Variants in ARSF observed in about 807,000 individuals in gnomAD.
The protein encoded by ARSF is arylsulfatase F.
Under a neutral mutation model 35.4 loss-of-function variants are expected in ARSF, and 33 were observed. That is an observed-to-expected ratio of 0.93 (90% CI 0.71 to 1.25). The LOEUF (loss-of-function observed/expected upper bound fraction) is 1.25, where lower values mean the gene tolerates loss of function less well. Ranked by LOEUF, ARSF falls within the 50% of genes most tolerant of loss-of-function variation. ARSF has a pLI of 0.00. For synonymous variants in ARSF, 222 were observed against 193.1 expected, an observed-to-expected ratio of 1.15 and a Z score of -1.24; for missense variants, 501 against 480.2, an observed-to-expected ratio of 1.04 and a Z score of -0.40.
chrX:3,109,988 A>C, intron 9 of ARSF, 140 bp from the exon 10 acceptor site: 1 of 485,130 alleles, frequency 2.1e-6, no homozygotes. Context: ...GAGAGCATGC[A>C]TGAGTTTTCC....
At chrX:3,074,080 T>A (rs1370660834) in intron 3 of ARSF, among the ~76,000 whole-genome samples, 1 of 110,506 alleles carries the variant, frequency 9.0e-6, no homozygotes, top group Non-Finnish European at 1.9e-5. Context: ...ACAACGGAGC[T>A]AGGAGTCATG....
chrX:3,110,891 C>G (rs980430101), intron 10 of ARSF, among the ~76,000 whole-genome samples: 1 of 111,935 alleles, frequency 8.9e-6, no homozygotes, highest in African/African-American at 3.2e-5. Context: ...GAGTGAGACT[C>G]CATCTCAAAC....
chrX:3,101,856 GAT>G (rs1469426360), intron 8 of ARSF, among the ~76,000 whole-genome samples: 1 of 112,129 alleles, frequency 8.9e-6, no homozygotes, highest in Non-Finnish European at 1.9e-5. Flanking sequence ...AAAGAAAAAA[GAT>G]AATTATCTGG....
At chrX:3,055,524 A>G (rs1349999551) in intron 1 of ARSF, among the ~76,000 whole-genome samples, 1 of 110,422 alleles carries the variant, frequency 9.1e-6, no homozygotes, top group Non-Finnish European at 1.9e-5. Flanking sequence ...CCAAGTTAAC[A>G]CAGAAATACG....
intron 1 of ARSF, among the ~76,000 whole-genome samples, chrX:3,041,919 A>G (rs1351722388): frequency 8.9e-6 from 1 of 112,331 alleles, no homozygotes; most frequent in African/African-American, 3.2e-5. Flanking sequence ...TGGCTTTAAA[A>G]TTATTGGTAC....
At chrX:3,050,925 C>G (rs2089994870) in intron 1 of ARSF, among the ~76,000 whole-genome samples, 1 of 111,512 alleles carries the variant, frequency 9.0e-6, no homozygotes, top group Admixed American at 9.6e-5. Flanking sequence ...CTCCTGAGAT[C>G]GTATTGGGAA....
At chrX:3,073,012 A>C (rs1245575436) in intron 3 of ARSF, among the ~76,000 whole-genome samples, 3 of 100,754 alleles carry the variant, frequency 3.0e-5, no homozygotes, top group Non-Finnish European at 5.9e-5. Context: ...ATATATATTC[A>C]CTTTTATATA....
At position 3,081,431 on chromosome X, in the gene ARSF, G is replaced by T. The variant is rs759003896; in HGVS notation, c.406+418G>T. On this transcript the variant is annotated intron_variant, in intron 5 of 10. Transcript: ENST00000381127. ...GGCTCACTGCAACCTCCATCTCCTG[G>T]GTTCAAGGGATTCTTGTGCCTCAGC... 4.2e-3 allele frequency among the ~76,000 whole-genome samples: 470 copies of T among 111,361 alleles called. 1 individual carries two copies. The highest frequency in any genetic ancestry group is 6.9e-3 in the Non-Finnish European group (366 of 53,031).
intron 1 of ARSF, among the ~76,000 whole-genome samples, chrX:3,045,613 T>C (rs1476472607): frequency 2.8e-5 from 3 of 105,867 alleles, no homozygotes; most frequent in African/African-American, 1.0e-4. Context: ...TGGAGTGCAA[T>C]GGCGCCATCT....
At position 3,076,640 on chromosome X, in the gene ARSF, T is replaced by A; in HGVS notation, c.254T>A (p.Phe85Tyr). 5.8e-6 allele frequency: 7 copies of A among 1,211,676 alleles called. No homozygotes were observed. The highest frequency in any genetic ancestry group is 6.7e-6 in the Non-Finnish European group (6 of 895,487). ...ASLCSPSRSA[F>Y]LTGRYPIRSG... Reference sequence around the variant, plus strand: ...CTCTGCAGCCCAAGCCGGTCCGCGTTCTTGACGGGAAGATACCCCATCCGA... The same window carrying A: ...CTCTGCAGCCCAAGCCGGTCCGCGTACTTGACGGGAAGATACCCCATCCGA... The change falls in exon 4 of 11, where the codon TTC (phenylalanine) becomes TAC (tyrosine). Residue 85 changes from phenylalanine (F) to tyrosine (Y), a missense_variant. Transcript: ENST00000381127.
chrX:3,111,348 A>G (rs1393877797), intron 10 of ARSF, among the ~76,000 whole-genome samples: 2 of 111,713 alleles, frequency 1.8e-5, no homozygotes, highest in African/African-American at 6.5e-5. Context: ...AAAGTGGCAC[A>G]CATATAATAA....
chrX:3,064,474 C>T, intron 1 of ARSF, among the ~76,000 whole-genome samples: 1 of 111,665 alleles, frequency 9.0e-6, no homozygotes, highest in Non-Finnish European at 1.9e-5. Flanking sequence ...AACTAAAGAG[C>T]TTCTGCACAG....
intron 5 of ARSF, among the ~76,000 whole-genome samples, chrX:3,081,358 G>C (rs2090200510): frequency 8.9e-6 from 1 of 111,834 alleles, no homozygotes; most frequent in African/African-American, 3.3e-5. Context: ...TTTTAAAACA[G>C]AGGAGTCTCA....
intron 1 of ARSF, among the ~76,000 whole-genome samples, chrX:3,044,686 T>C (rs1356639901): frequency 1.8e-5 from 2 of 110,111 alleles, no homozygotes; most frequent in Non-Finnish European, 3.8e-5. Context: ...TAGTCTCCAA[T>C]GCTCAGTTAC....
At chrX:3,083,990 C>A (rs1369658802) in intron 5 of ARSF, among the ~76,000 whole-genome samples, 2 of 111,923 alleles carry the variant, frequency 1.8e-5, no homozygotes, top group African/African-American at 6.5e-5. Flanking sequence ...TTCTATTTTT[C>A]TCCCTTATTG....
intron 1 of ARSF, among the ~76,000 whole-genome samples, chrX:3,061,272 A>G (rs1254902255): frequency 9.0e-6 from 1 of 111,585 alleles, no homozygotes; most frequent in Non-Finnish European, 1.9e-5. Flanking sequence ...TGTCACCACC[A>G]GGCCTGCCCT....
intron 9 of ARSF, among the ~76,000 whole-genome samples, chrX:3,107,052 TG>T (rs2090415630): frequency 8.9e-6 from 1 of 112,183 alleles, no homozygotes; most frequent in Non-Finnish European, 1.9e-5. Flanking sequence ...ATACAATGTA[TG>T]TAAATGCCAC....
intron 7 of ARSF, among the ~76,000 whole-genome samples, chrX:3,093,146 C>T (rs1176234359): frequency 2.7e-5 from 3 of 111,636 alleles, no homozygotes; most frequent in African/African-American, 9.8e-5. Context: ...GCCTGGGCAA[C>T]GGAGCGAGAC....
At chrX:3,070,878 C>T (rs1443460351) in intron 2 of ARSF, among the ~76,000 whole-genome samples, 1 of 110,618 alleles carries the variant, frequency 9.0e-6, no homozygotes, top group African/African-American at 3.3e-5. Flanking sequence ...TCTCCAACTC[C>T]ATCCAGGTTG....
Sources: allele counts gnomAD v4.1 joint callset (sites outside exome capture counted in the v4.1 genomes callset), GRCh38; gene constraint gnomAD v4.1.1; transcripts MANE v1.5; gene names NCBI Gene and HGNC (gene_info 2026-07-23, HGNC 2026-07-21).